SLC4A4: variants seen among roughly 807,000 people sequenced by gnomAD.
The protein encoded by SLC4A4 is solute carrier family 4 member 4, also known as electrogenic sodium bicarbonate cotransporter 1.
Under a neutral mutation model 111.5 loss-of-function variants are expected in SLC4A4, and 27 were observed. The observed-to-expected ratio is 0.24, with a 90% CI of 0.18 to 0.33. The LOEUF is 0.33. Ranked by LOEUF, SLC4A4 falls within the 10% of genes least tolerant of loss-of-function variation. The pLI is 1.00. For missense variants in SLC4A4, 909 were observed against 1,315.5 expected, an observed-to-expected ratio of 0.69 and a Z score of 4.78; for synonymous variants, 443 against 463.4, an observed-to-expected ratio of 0.96 and a Z score of 0.57.
At chr4:71,119,184 T>C (rs975928866) in intron 2 of SLC4A4, among the ~76,000 whole-genome samples, 3 of 152,330 alleles carry the variant, frequency 2.0e-5, no homozygotes, top group Middle Eastern at 3.4e-3. Context: ...CGGAGCCCCC[T>C]GTACTTTCAA....
chr4:71,279,476 A>G (rs1401443136), intron 3 of SLC4A4, among the ~76,000 whole-genome samples: 1 of 152,166 alleles, frequency 6.6e-6, no homozygotes, highest in African/African-American at 2.4e-5. Context: ...CTATGTATGT[A>G]TATATACATA....
At chr4:71,330,712 A>C (rs1727904568) in intron 3 of SLC4A4, among the ~76,000 whole-genome samples, 2 of 152,348 alleles carry the variant, frequency 1.3e-5, no homozygotes, top group South Asian at 4.1e-4. Context: ...AGCAATGGCA[A>C]CAAAAGCCAA....
chr4:71,113,549 T>G (rs1412109834), intron 2 of SLC4A4, among the ~76,000 whole-genome samples: 4 of 152,214 alleles, frequency 2.6e-5, no homozygotes, highest in African/African-American at 9.6e-5. Context: ...TAAATTACAT[T>G]CTGCCCAGCT....
In SLC4A4 at chr4:71,547,737, T is replaced by G; in HGVS notation, c.2694+17T>G. On this transcript the variant is annotated intron_variant, in intron 20 of 25. Transcript: ENST00000264485. ...ATCTTGAAGGTAAATATGTGAAACA[T>G]TCACCTCTTCCTTCTCAGAACACTG... The G allele has an allele frequency of 6.3e-7, 1 of 1,588,586 alleles. No individual in the cohort carries two copies.
At chr4:71,110,589 T>C (rs1038724181) in intron 2 of SLC4A4, among the ~76,000 whole-genome samples, 3 of 152,236 alleles carry the variant, frequency 2.0e-5, no homozygotes, top group Non-Finnish European at 2.9e-5. Flanking sequence ...AGAAGTTCCA[T>C]GGATGGATCC....
chr4:71,542,168 C>T (rs534288146), intron 18 of SLC4A4, among the ~76,000 whole-genome samples: 9 of 152,176 alleles, frequency 5.9e-5, no homozygotes, highest in East Asian at 5.8e-4. Context: ...TAATGTTTGT[C>T]GGACACTGTA....
At chr4:71,422,562 T>C (rs1241176426) in intron 7 of SLC4A4, among the ~76,000 whole-genome samples, 1 of 152,130 alleles carries the variant, frequency 6.6e-6, no homozygotes, top group Non-Finnish European at 1.5e-5. Context: ...CAATATCCTT[T>C]ATGAACATTG....
intron 3 of SLC4A4, among the ~76,000 whole-genome samples, chr4:71,313,886 A>G (rs1196661941): frequency 6.6e-6 from 1 of 152,210 alleles, no homozygotes; most frequent in East Asian, 1.9e-4. Context: ...AAAACACTAA[A>G]AGCAATTGCA....
At chr4:71,145,450 T>C (rs1744136923) in intron 2 of SLC4A4, among the ~76,000 whole-genome samples, 1 of 152,234 alleles carries the variant, frequency 6.6e-6, no homozygotes, top group Non-Finnish European at 1.5e-5. Flanking sequence ...ATCAGGATGA[T>C]GCTGACCTCA....
At chr4:71,326,436 A>G (rs1208718072) in intron 3 of SLC4A4, among the ~76,000 whole-genome samples, 3 of 152,024 alleles carry the variant, frequency 2.0e-5, no homozygotes, top group South Asian at 2.1e-4. Flanking sequence ...GTGGTCAACA[A>G]AGGGTCAGCA....
intron 18 of SLC4A4, among the ~76,000 whole-genome samples, chr4:71,539,850 G>A (rs1380193156): frequency 6.6e-6 from 1 of 152,066 alleles, no homozygotes; most frequent in African/African-American, 2.4e-5. Flanking sequence ...ACATGTTGAT[G>A]AATTTTATTC....
At chr4:71,506,459 T>C (rs1731427032) in intron 16 of SLC4A4, among the ~76,000 whole-genome samples, 1 of 152,174 alleles carries the variant, frequency 6.6e-6, no homozygotes, top group Non-Finnish European at 1.5e-5. Flanking sequence ...CAGTTGTGAA[T>C]GGGAGTTCAT....
intron 14 of SLC4A4, among the ~76,000 whole-genome samples, chr4:71,484,889 TCC>T (rs1729229382): frequency 6.6e-6 from 1 of 151,824 alleles, no homozygotes; most frequent in South Asian, 2.1e-4. Flanking sequence ...TTAGCTGTAT[TCC>T]CTAGGCATTT....
intron 1 of SLC4A4, among the ~76,000 whole-genome samples, chr4:71,216,001 CG>C (rs1271758467): frequency 1.3e-5 from 2 of 151,684 alleles, no homozygotes; most frequent in African/African-American, 4.8e-5. Context: ...GCCCCCACCC[CG>C]GATTCAAGCA....
At chr4:71,289,832 T>G (rs1724196363) in intron 3 of SLC4A4, among the ~76,000 whole-genome samples, 1 of 152,216 alleles carries the variant, frequency 6.6e-6, no homozygotes, top group Non-Finnish European at 1.5e-5. Context: ...GGAACTTCCA[T>G]GGCCGTGGAT....
At chr4:71,192,912 C>T (rs996075362) in intron 1 of SLC4A4, among the ~76,000 whole-genome samples, 13 of 152,312 alleles carry the variant, frequency 8.5e-5, no homozygotes, top group African/African-American at 3.1e-4. Flanking sequence ...GTTACTTTCA[C>T]CTCTCATTGA....
intron 3 of SLC4A4, among the ~76,000 whole-genome samples, chr4:71,307,703 A>T (rs1560396765): frequency 6.6e-6 from 1 of 152,216 alleles, no homozygotes; most frequent in Non-Finnish European, 1.5e-5. Context: ...TGATAAATGG[A>T]AGCAGTGCAT....
chr4:71,501,596 G>T (rs1244395800), intron 16 of SLC4A4, among the ~76,000 whole-genome samples: 4 of 149,988 alleles, frequency 2.7e-5, no homozygotes, highest in African/African-American at 4.9e-5. Flanking sequence ...CTAGATATTG[G>T]ATTGTTGGTT....
chr4:71,551,996 A>G (rs72854422), intron 20 of SLC4A4, among the ~76,000 whole-genome samples: 4,882 of 151,972 alleles, frequency 0.032, 285 homozygotes, highest in African/African-American at 0.11. Flanking sequence ...CTTTGCAGCC[A>G]TTCTTCTGGT....
Sources: gnomAD v4.1 joint callset for allele counts (sites outside exome capture counted in the v4.1 genomes callset) on GRCh38, gnomAD v4.1.1 for gene constraint, MANE v1.5 for transcripts, NCBI Gene and HGNC (gene_info 2026-07-23, HGNC 2026-07-21) for gene names.